The following ZNF385D variants were observed in gnomAD, a reference collection of about 807,000 sequenced individuals.
The protein encoded by ZNF385D is zinc finger protein 385D, also known as zinc finger protein 659.
In ZNF385D, 15 loss-of-function variants were observed where a neutral mutation model predicts 35.8. That is an observed-to-expected ratio of 0.42 (90% CI 0.28 to 0.64). The LOEUF (loss-of-function observed/expected upper bound fraction) is 0.64, where lower values mean the gene tolerates loss of function less well. ZNF385D is among the 30% of genes least tolerant of loss of function. The pLI, the probability that ZNF385D is intolerant of heterozygous loss-of-function variation, is 0.23. For missense variants in ZNF385D, 474 were observed against 494.6 expected (o/e 0.96, Z 0.39); for synonymous variants, 212 against 186.8 (o/e 1.13, Z -1.10).
At chr3:22,096,827 G>A (rs1373632223) in intron 3 of ZNF385D, among the ~76,000 whole-genome samples, 1 of 152,002 alleles carries the variant, frequency 6.6e-6, no homozygotes, top group Non-Finnish European at 1.5e-5. Context: ...ATTCTCTGAT[G>A]CTCCTCTCAT....
At chr3:21,753,785 GT>G (rs1559587710), upstream of ZNF385D, among the ~76,000 whole-genome samples, 7,519 of 113,406 alleles carry the variant, frequency 0.066, 568 homozygotes, top group African/African-American at 0.2. Flanking sequence ...TGTTGTTGTT[GT>G]TGTTGTGTGT....
At chr3:22,351,147 C>T (rs1695898321) in intron 2 of ZNF385D, among the ~76,000 whole-genome samples, 1 of 152,046 alleles carries the variant, frequency 6.6e-6, no homozygotes, top group Non-Finnish European at 1.5e-5. Flanking sequence ...AGCAATTAGC[C>T]TGATAAAATA....
chr3:22,086,259 A>G (rs1701034991), intron 3 of ZNF385D, among the ~76,000 whole-genome samples: 1 of 152,214 alleles, frequency 6.6e-6, no homozygotes, highest in African/African-American at 2.4e-5. Context: ...GAGGAAGTCA[A>G]ATTGTCTCTG....
chr3:21,896,554 T>C lies in ZNF385D; in HGVS notation c.326-231526A>G, dbSNP rs369416423. 5.9e-5 allele frequency among the ~76,000 whole-genome samples: 9 copies of C among 152,298 alleles called. No homozygotes were observed. In the South Asian group the frequency reaches 1.9e-3, roughly 32 times the overall value. The stretch of plus-strand genomic sequence containing the variant: ...TTTTTTTCCCCCTGGTATATTTTTA[T>C]GAACAGGGCAGCACGTCCCTCGAAC... On this transcript the variant is annotated intron_variant, in intron 3 of 5. Coordinates refer to the ZNF385D transcript ENST00000494108.
chr3:21,571,684 G>C (rs1377635594), intron 2 of ZNF385D, among the ~76,000 whole-genome samples: 1 of 152,132 alleles, frequency 6.6e-6, no homozygotes. Flanking sequence ...CTGCATTTGT[G>C]ACAAATTGGC....
intron 3 of ZNF385D, among the ~76,000 whole-genome samples, chr3:22,020,668 C>A (rs1015245127): frequency 6.6e-6 from 1 of 152,006 alleles, no homozygotes; most frequent in Non-Finnish European, 1.5e-5. Context: ...CTCTTATAGA[C>A]TGTTGGTTAG....
chr3:22,101,875 G>C (rs988691474), intron 3 of ZNF385D, among the ~76,000 whole-genome samples: 1 of 151,756 alleles, frequency 6.6e-6, no homozygotes, highest in African/African-American at 2.4e-5. Flanking sequence ...GTACCAATGA[G>C]TAAGCTACAG....
chr3:22,016,131 G>A (rs773359432), intron 3 of ZNF385D, among the ~76,000 whole-genome samples: 1 of 152,098 alleles, frequency 6.6e-6, no homozygotes, highest in Non-Finnish European at 1.5e-5. Flanking sequence ...CTATAAAACA[G>A]TTCTTCTAAT....
intron 2 of ZNF385D, among the ~76,000 whole-genome samples, chr3:22,274,773 C>T (rs1351457294): frequency 2.8e-5 from 4 of 140,834 alleles, no homozygotes; most frequent in East Asian, 4.1e-4. Flanking sequence ...TGGATTCCAA[C>T]GAAGTTAGTA....
chr3:21,448,465 A>C (rs1702274245), intron 4 of ZNF385D, among the ~76,000 whole-genome samples: 1 of 152,176 alleles, frequency 6.6e-6, no homozygotes, highest in African/African-American at 2.4e-5. Flanking sequence ...ATTTCTTGAT[A>C]GAATTTCTCT....
At chr3:21,630,205 C>CTT (rs34565673) in intron 2 of ZNF385D, among the ~76,000 whole-genome samples, 1,494 of 141,030 alleles carry the variant, frequency 0.011, 23 homozygotes, top group African/African-American at 0.035. Context: ...TCTTTTCTTT[C>CTT]TTTTTTTTTT....
chr3:22,170,667 T>C (rs1694349165), intron 2 of ZNF385D, among the ~76,000 whole-genome samples: 1 of 152,156 alleles, frequency 6.6e-6, no homozygotes, highest in African/African-American at 2.4e-5. Flanking sequence ...TGTAAAATGA[T>C]TAATTTTAAT....
chr3:22,259,264 T>C (rs1294509066), intron 2 of ZNF385D, among the ~76,000 whole-genome samples: 2 of 151,954 alleles, frequency 1.3e-5, no homozygotes, highest in African/African-American at 2.4e-5. Context: ...AGAAAAGTTA[T>C]TAAGAATTGG....
intron 3 of ZNF385D, among the ~76,000 whole-genome samples, chr3:21,937,188 C>G (rs1701305062): frequency 6.6e-6 from 1 of 151,848 alleles, no homozygotes; most frequent in East Asian, 1.9e-4. Flanking sequence ...GTATGATATA[C>G]ACTATTTTTT....
intron 2 of ZNF385D, among the ~76,000 whole-genome samples, chr3:22,345,765 T>G (rs1374648827): frequency 2.0e-5 from 3 of 152,188 alleles, no homozygotes; most frequent in Admixed American, 2.0e-4. Flanking sequence ...ATTATTTCAC[T>G]TAGGGGAAGA....
At chr3:22,096,763 A>T (rs570038775) in intron 3 of ZNF385D, among the ~76,000 whole-genome samples, 1 of 152,202 alleles carries the variant, frequency 6.6e-6, no homozygotes, top group African/African-American at 2.4e-5. Context: ...GGATGGGTTA[A>T]CTAGAAAATG....
intron 4 of ZNF385D, among the ~76,000 whole-genome samples, chr3:21,497,516 G>A (rs1410612167): frequency 6.6e-6 from 1 of 152,112 alleles, no homozygotes; most frequent in Admixed American, 6.6e-5. Context: ...AACTACCAAT[G>A]ACACTCTTCA....
chr3:22,157,439 C>A (rs545374144), intron 3 of ZNF385D, among the ~76,000 whole-genome samples: 32 of 151,960 alleles, frequency 2.1e-4, no homozygotes, highest in Non-Finnish European at 4.7e-4. Flanking sequence ...TTCCCCTTTT[C>A]TTCTTTCTTT....
At chr3:22,090,001 T>C (rs1006373709) in intron 3 of ZNF385D, among the ~76,000 whole-genome samples, 5 of 151,808 alleles carry the variant, frequency 3.3e-5, no homozygotes, top group Non-Finnish European at 7.4e-5. Context: ...ACCATGCCAG[T>C]CTAATTTTTT....
Sources: allele counts gnomAD v4.1 joint callset (sites outside exome capture counted in the v4.1 genomes callset), GRCh38; gene constraint gnomAD v4.1.1; transcripts MANE v1.5; gene names NCBI Gene and HGNC (gene_info 2026-07-23, HGNC 2026-07-21).